Variants in PCDHA4 observed in about 807,000 individuals in gnomAD.
The protein encoded by PCDHA4 is protocadherin alpha 4, also known as protocadherin alpha-4.
PCDHA4 carries 49 observed loss-of-function variants against 61.4 expected under a neutral mutation model. That is an observed-to-expected ratio of 0.80 (90% confidence interval 0.63 to 1.01). PCDHA4 has a LOEUF of 1.01. Among genes scored for constraint, PCDHA4 ranks in the 50% least tolerant of loss-of-function variants. The pLI is 0.00. For synonymous variants in PCDHA4, 590 were observed against 550.3 expected, an observed-to-expected ratio of 1.07 and a Z score of -1.01; for missense variants, 1,254 against 1,235.8, an observed-to-expected ratio of 1.01 and a Z score of -0.22.
Position 140,808,613 on chromosome 5 carries a change from A to T in PCDHA4, c.1426A>T (p.Thr476Ser). 1 of 1,613,806 alleles carries T rather than the reference A, an allele frequency of 6.2e-7. No individual in the cohort carries two copies. The highest frequency in any genetic ancestry group is 8.5e-7 in the Non-Finnish European group (1 of 1,179,930). Reference protein sequence around the residue: ...ENNPPGCHIFTVSAWDADAQE... With the variant: ...ENNPPGCHIFSVSAWDADAQE... ...CAACCCGCCGGGCTGCCACATCTTCACTGTGTCTGCGTGGGACGCGGACGC... is the reference window on the plus strand; with the variant it reads ...CAACCCGCCGGGCTGCCACATCTTCTCTGTGTCTGCGTGGGACGCGGACGC... The change falls in exon 1 of 4, where the codon ACT (threonine) becomes TCT (serine). Residue 476 changes from threonine to serine, a missense_variant. Transcript: ENST00000530339.
intron 1 of PCDHA4, among the ~76,000 whole-genome samples, chr5:140,899,599 C>G (rs535938234): frequency 2.0e-5 from 3 of 152,232 alleles, no homozygotes; most frequent in South Asian, 4.2e-4. Context: ...TTATTGAGGA[C>G]TTTTGCATCA....
chr5:140,874,607 T>C (rs534439802), intron 1 of PCDHA4, among the ~76,000 whole-genome samples: 1 of 152,226 alleles, frequency 6.6e-6, no homozygotes, highest in Non-Finnish European at 1.5e-5. Context: ...TTTGGAGGCT[T>C]CAACTAAACA....
chr5:140,968,371 C>T (rs1554230646), intron 1 of PCDHA4: 3 of 1,614,088 alleles, frequency 1.9e-6, no homozygotes, highest in Non-Finnish European at 2.5e-6. Context: ...ATGCTGTCAA[C>T]TCCTTTGACT....
At chr5:140,989,970 A>C (rs2097368842) in intron 3 of PCDHA4, among the ~76,000 whole-genome samples, 1 of 152,136 alleles carries the variant, frequency 6.6e-6, no homozygotes, top group Non-Finnish European at 1.5e-5. Flanking sequence ...GAGCTTCCTC[A>C]GCAACAGCCC....
chr5:141,004,486 C>CT (rs2098167953), intron 3 of PCDHA4, among the ~76,000 whole-genome samples: 2 of 152,200 alleles, frequency 1.3e-5, no homozygotes, highest in South Asian at 4.1e-4. Flanking sequence ...TGGATTAACT[C>CT]TTGGCAGTCC....
chr5:140,863,120 C>T, intron 1 of PCDHA4: 4 of 591,460 alleles, frequency 6.8e-6, no homozygotes, highest in Non-Finnish European at 1.0e-5. Context: ...GCGAAAGCTA[C>T]GCGCCACCGC....
At chr5:140,828,037 A>G (rs1320523383) in intron 1 of PCDHA4, 4 of 1,539,206 alleles carry the variant, frequency 2.6e-6, no homozygotes, top group African/African-American at 1.4e-5. Context: ...AACATACAGT[A>G]TTTTATCTTT....
intron 1 of PCDHA4, among the ~76,000 whole-genome samples, chr5:140,954,068 G>A (rs1404063517): frequency 6.6e-6 from 1 of 152,174 alleles, no homozygotes; most frequent in South Asian, 2.1e-4. Context: ...TTATGCTGAG[G>A]ATAATGGCTT....
rs1554262437 is a variant in PCDHA4, at chr5:141,009,799, C to T, written c.2706C>T (p.Asn902=). 1 of 1,614,104 alleles carries T rather than the reference C, an allele frequency of 6.2e-7. No individual in the cohort carries two copies. Residue 902 remains asparagine (N), a synonymous_variant, in exon 4 of 4, where the codon AAC becomes AAT. Coordinates refer to ENST00000530339, the MANE Select transcript of PCDHA4 (RefSeq NM_018907.4). ...AIISIRQEPT[N]SQIDKSDFIT... is the part of the protein sequence containing the mutation. ...TCTCCATCCGGCAGGAGCCTACTAACAGCCAAATTGACAAAAGTGACTTCA... is the reference window on the plus strand; with the variant it reads ...TCTCCATCCGGCAGGAGCCTACTAATAGCCAAATTGACAAAAGTGACTTCA...
intron 1 of PCDHA4, among the ~76,000 whole-genome samples, chr5:140,965,818 A>G (rs1554227859): frequency 2.6e-5 from 4 of 152,344 alleles, no homozygotes; most frequent in African/African-American, 9.6e-5. Flanking sequence ...AGAGCATTTT[A>G]AACATTTAAA....
At chr5:140,809,780 A>G in intron 1 of PCDHA4, 1 of 516,486 alleles carries the variant, frequency 1.9e-6, no homozygotes, top group Non-Finnish European at 3.3e-6. Flanking sequence ...TTCAATGCAT[A>G]TTAACAGAAC....
chr5:140,850,795 CCGA>C, intron 1 of PCDHA4: 1 of 1,598,426 alleles, frequency 6.3e-7, no homozygotes, highest in Non-Finnish European at 8.6e-7. Flanking sequence ...AAGCAGAAGA[CCGA>C]CCTCATGGCC....
At chr5:140,824,378 CT>C in intron 1 of PCDHA4, 1 of 565,876 alleles carries the variant, frequency 1.8e-6, no homozygotes, top group Non-Finnish European at 3.1e-6. Context: ...AATTTTGCAT[CT>C]CTAAAAATGT....
chr5:140,988,299 G>A (rs2097291981), intron 3 of PCDHA4, among the ~76,000 whole-genome samples: 2 of 152,218 alleles, frequency 1.3e-5, no homozygotes, highest in Non-Finnish European at 2.9e-5. Context: ...GCCCAGGAGT[G>A]CCAGCTTGGC....
intron 3 of PCDHA4, among the ~76,000 whole-genome samples, chr5:141,005,573 G>A (rs947306752): frequency 4.0e-5 from 6 of 151,140 alleles, no homozygotes; most frequent in Admixed American, 1.3e-4. Context: ...ATGGTGGCGC[G>A]TGCCTGTAGT....
At chr5:140,978,491 C>T (rs550205477) in intron 1 of PCDHA4, among the ~76,000 whole-genome samples, 2 of 152,354 alleles carry the variant, frequency 1.3e-5, no homozygotes, top group African/African-American at 4.8e-5. Flanking sequence ...GCAAAGCCAG[C>T]AGCAGATTGC....
At chr5:141,009,001 A>G (rs1373262105) in intron 3 of PCDHA4, among the ~76,000 whole-genome samples, 1 of 152,246 alleles carries the variant, frequency 6.6e-6, no homozygotes, top group East Asian at 1.9e-4. Flanking sequence ...TAAAAGGAGC[A>G]TATTTTGCCT....
intron 1 of PCDHA4, chr5:140,841,218 C>T: frequency 7.0e-7 from 1 of 1,431,458 alleles, no homozygotes; most frequent in Non-Finnish European, 9.4e-7. Flanking sequence ...CTCTAAAGGC[C>T]GAACAACGGG....
At chr5:140,843,746 T>C (rs1554140400) in intron 1 of PCDHA4, 6 of 1,531,640 alleles carry the variant, frequency 3.9e-6, no homozygotes, top group Non-Finnish European at 5.4e-6. Context: ...AACTCATAAA[T>C]TCTATTTGTG....
Sources: gnomAD v4.1 joint callset for allele counts (sites outside exome capture counted in the v4.1 genomes callset) on GRCh38, gnomAD v4.1.1 for gene constraint, MANE v1.5 for transcripts, NCBI Gene and HGNC (gene_info 2026-07-23, HGNC 2026-07-21) for gene names.